PLEKHA4: variants seen among roughly 807,000 people sequenced by gnomAD.
The protein encoded by PLEKHA4 is pleckstrin homology domain-containing family A member 4.
In PLEKHA4, 73 loss-of-function variants were observed where a neutral mutation model predicts 94.7. That is an observed-to-expected ratio of 0.77 (90% CI 0.64 to 0.94). The LOEUF (loss-of-function observed/expected upper bound fraction) is 0.94. Ranked by LOEUF, PLEKHA4 falls within the 40% of genes least tolerant of loss-of-function variation. The pLI, the probability that PLEKHA4 is intolerant of heterozygous loss-of-function variation, is 0.00. For missense variants in PLEKHA4, 1,049 were observed against 1,054.1 expected (o/e 1.00, Z 0.07); for synonymous variants, 449 against 437.1 (o/e 1.03, Z -0.34).
At chr19:48,840,424 CTT>C (rs113285383) in intron 17 of PLEKHA4, among the ~76,000 whole-genome samples, 21 of 130,820 alleles carry the variant, frequency 1.6e-4, no homozygotes, top group Middle Eastern at 4.2e-3. Context: ...AAGAAAACAT[CTT>C]TTTTTTTTTT....
Position 48,837,152 on chromosome 19 carries a change from G to T in PLEKHA4, c.*137C>A. On this transcript the variant is annotated 3_prime_UTR_variant, in exon 20 of 20. Transcript: ENST00000263265. The surrounding 1 kb of genome is among the most constrained non-coding windows in gnomAD (Gnocchi z 4.3). The stretch of plus-strand genomic sequence containing the variant: ...ACAGTGTTGAGAAAACCAAACTTTG[G>T]CCATAGAAACCATTCCCCTCCCGGG... 2 of 1,244,622 alleles carry T rather than the reference G, an allele frequency of 1.6e-6. No homozygotes were observed. Among genetic ancestry groups the T allele is most frequent in the Non-Finnish European group, 2.3e-6 (2 of 870,188 alleles). 77.1% of individuals were successfully genotyped at this position (1,244,622 alleles called of 1,614,324 possible). A position where few individuals can be genotyped will look rare whatever the true frequency, so the allele number is the denominator to read the frequency against.
chr19:48,848,157 AT>A (rs1436030416), intron 13 of PLEKHA4, 117 bp from the exon 14 acceptor site: 57 of 1,188,638 alleles, frequency 4.8e-5, no homozygotes, highest in Admixed American at 6.8e-5. Context: ...GTTGGGATTT[AT>A]TTTTTTTCCC....
intron 16 of PLEKHA4, chr19:48,844,335 G>T (rs923438026): frequency 1.4e-5 from 6 of 435,338 alleles, no homozygotes; most frequent in Non-Finnish European, 1.8e-5. Flanking sequence ...TTGTATTTTT[G>T]TAGAGACAGG....
rs1389099566 is a variant in PLEKHA4, at chr19:48,853,764, G to A, written c.1244C>T (p.Ala415Val). ...QLGQATREAGAPGRAWGRQRL... is the reference protein window; with the variant it reads ...QLGQATREAGVPGRAWGRQRL... ...CTGGCGACCCCAGGCCCTCCCGGGA[G>A]CCCCAGCCTCCCTGGTGGCTTGGCC... The change falls in exon 12 of 20, where the codon GCT becomes GTT. Residue 415 changes from alanine to valine, a missense_variant. By Grantham distance (64) the Ala-to-Val change is moderately conservative. Transcript: ENST00000263265. The A allele has an allele frequency of 1.9e-6, 3 of 1,613,194 alleles. No individual in the cohort carries two copies. The highest frequency in any genetic ancestry group is 2.7e-5 in the African/African-American group (2 of 74,896).
intron 16 of PLEKHA4, among the ~76,000 whole-genome samples, chr19:48,844,804 C>CTT (rs149141709): frequency 4.8e-4 from 34 of 70,802 alleles, no homozygotes; most frequent in East Asian, 9.0e-4. Context: ...CTCAGGGTGT[C>CTT]TTTTTTTTTT....
rs370608845 is a variant in PLEKHA4, at chr19:48,844,714, C to T, written c.1743+656G>A. ...CAGAGCTTCCACAGCTTAAAGTCAA[C>T]CAATTCCTAAACATTCCTGCCACTA... On this transcript the variant is annotated intron_variant, in intron 16 of 19. Transcript: ENST00000263265. 7.9e-5 allele frequency: 71 copies of T among 903,622 alleles called. 1 individual carries two copies. In the South Asian group the frequency reaches 1.9e-3, roughly 25 times the overall value. 56.0% of individuals were successfully genotyped at this position (903,622 alleles called of 1,614,324 possible). A position where few individuals can be genotyped will look rare whatever the true frequency, so the allele number is the denominator to read the frequency against.
Position 48,853,662 on chromosome 19 carries a change from GC to G in PLEKHA4, c.1326+19del. 6.6e-7 allele frequency: 1 copy of G among 1,517,774 alleles called. No individual in the cohort carries two copies. Among genetic ancestry groups the G allele is most frequent in the Non-Finnish European group, 8.8e-7 (1 of 1,135,844 alleles). The allele number at this position is 1,517,774 out of a possible 1,614,324, so 94.0% of individuals were successfully genotyped here. A position where few individuals can be genotyped will look rare whatever the true frequency, so the allele number is the denominator to read the frequency against. On this transcript the variant is annotated intron_variant, in intron 12 of 19. Transcript: ENST00000263265. ...GTCCTGGGGCCTCCTAGGAGGGCAG[GC>G]CCCTTCCCAGGTGCTCACCTGAGTC...
intron 9 of PLEKHA4, 38 bp downstream of exon 9, chr19:48,857,384 G>A (rs773358804): frequency 1.6e-5 from 13 of 830,684 alleles, no homozygotes; most frequent in Admixed American, 2.8e-5. Context: ...AGGAAGGGAG[G>A]GGGCTCCGGT....
chr19:48,852,352 T>A, intron 12 of PLEKHA4, 26 bp from the exon 13 acceptor site: 1 of 1,559,020 alleles, frequency 6.4e-7, no homozygotes, highest in South Asian at 1.1e-5. Context: ...GGGGGAGACA[T>A]AGGTTAGGTC....
At chr19:48,859,790 T>C in intron 6 of PLEKHA4, 106 bp from the exon 7 acceptor site, 1 of 1,043,656 alleles carries the variant, frequency 9.6e-7, no homozygotes, top group Non-Finnish European at 1.4e-6. Context: ...AGGAAAGTTG[T>C]GCACTATAAA....
intron 2 of PLEKHA4, among the ~76,000 whole-genome samples, chr19:48,865,907 G>A (rs1356305612): frequency 1.3e-5 from 2 of 151,682 alleles, no homozygotes; most frequent in Non-Finnish European, 2.9e-5. Flanking sequence ...CCAGCTACTC[G>A]GGAGGCTGAG....
At chr19:48,866,329 CAG>C (rs2036834134) in intron 2 of PLEKHA4, among the ~76,000 whole-genome samples, 1 of 151,822 alleles carries the variant, frequency 6.6e-6, no homozygotes, top group African/African-American at 2.4e-5. Flanking sequence ...TCTTTTGAGA[CAG>C]AGTCTCGCTC....
rs999633673 is a variant in PLEKHA4 at position 48,868,069 on chromosome 19, G to C, written c.-7+14C>G. 2 of 165,638 alleles carry C rather than the reference G, an allele frequency of 1.2e-5. No homozygotes were observed. The highest frequency in any genetic ancestry group is 4.8e-5 in the African/African-American group (2 of 41,824). The allele number at this position is 165,638 out of a possible 1,614,324, so 10.3% of individuals were successfully genotyped here. A position where few individuals can be genotyped will look rare whatever the true frequency, so the allele number is the denominator to read the frequency against. On this transcript the variant is annotated intron_variant, in intron 1 of 19. Coordinates refer to ENST00000263265, the MANE Select transcript of PLEKHA4 (RefSeq NM_020904.3). ...AACCCAGAGAGCCCCTCCCAGCCCA[G>C]CCAGGGAACTTACCCAGCTCTGGGG...
Position 48,861,510 on chromosome 19 carries a change from A to AG in PLEKHA4, c.266-10dup. 1.2e-6 allele frequency: 2 copies of AG among 1,613,872 alleles called. No homozygotes were observed. ...ACTCTCCTCGCGGCTGTCTGCAAAG[A>AG]GGGGCTGGGGTCAAGGATCACACAG... On this transcript the variant is annotated splice_polypyrimidine_tract_variant and intron_variant, in intron 4 of 19. Transcript: ENST00000263265.
At chr19:48,866,442 G>A (rs2036838125) in intron 2 of PLEKHA4, among the ~76,000 whole-genome samples, 1 of 152,166 alleles carries the variant, frequency 6.6e-6, no homozygotes, top group South Asian at 2.1e-4. Flanking sequence ...GAGTAGCTGA[G>A]ATTGCAGGCA....
chr19:48,856,223 A>AGAG (rs1568547272), intron 9 of PLEKHA4, among the ~76,000 whole-genome samples: 124 of 150,456 alleles, frequency 8.2e-4, no homozygotes, highest in Middle Eastern at 3.4e-3. Flanking sequence ...AAGAGAGAGA[A>AGAG]AAAGGAAAGG....
chr19:48,846,505 G>A (rs879913648), intron 14 of PLEKHA4, among the ~76,000 whole-genome samples: 7 of 151,980 alleles, frequency 4.6e-5, no homozygotes, highest in Non-Finnish European at 4.4e-5. Flanking sequence ...GTGGGTTCAC[G>A]TCTGTAATCC....
At chr19:48,857,380 G>A (rs1230746265) in intron 9 of PLEKHA4, 42 bp downstream of exon 9, 2 of 784,848 alleles carry the variant, frequency 2.5e-6, no homozygotes, top group Non-Finnish European at 4.2e-6. Context: ...AGAAAGGAAG[G>A]GAGGGGGCTC....
chr19:48,868,399 C>A lies in PLEKHA4; in HGVS notation c.-323G>T, dbSNP rs1300756973. On this transcript the variant is annotated 5_prime_UTR_variant, in exon 1 of 20. Transcript: ENST00000263265. The stretch of plus-strand genomic sequence containing the variant: ...CCAATCTTTCTGTTTCTGTCCAAAT[C>A]TTTTATTGTCAGACTCACAGGGTCT... The A allele has an allele frequency of 1.3e-5, 2 of 151,944 alleles. No homozygotes were observed. Among genetic ancestry groups the A allele is most frequent in the African/African-American group, 2.4e-5 (1 of 41,304 alleles). The allele number at this position is 151,944 out of a possible 1,614,324, so 9.4% of individuals were successfully genotyped here.
Sources: gnomAD v4.1 joint callset for allele counts (sites outside exome capture counted in the v4.1 genomes callset) on GRCh38, gnomAD v4.1.1 for gene constraint, Gnocchi (gnomAD v3.1) non-coding constraint, MANE v1.5 for transcripts, NCBI Gene and HGNC (gene_info 2026-07-23, HGNC 2026-07-21) for gene names.